Variants in TNRC6C observed in about 807,000 individuals in gnomAD.
TNRC6C encodes trinucleotide repeat containing adaptor 6C.
TNRC6C carries 20 observed loss-of-function variants against 153.7 expected under a neutral mutation model. The observed-to-expected ratio is 0.13, with a 90% CI of 0.09 to 0.19. TNRC6C has a LOEUF of 0.19. Among genes scored for constraint, TNRC6C ranks in the 10% least tolerant of loss-of-function variants. The pLI, the probability that TNRC6C is intolerant of heterozygous loss-of-function variation, is 1.00. For synonymous variants in TNRC6C, 811 were observed against 841.4 expected (o/e 0.96, Z 0.63); for missense variants, 1,987 against 2,172.0 (o/e 0.91, Z 1.69).
At chr17:78,034,036 C>T (rs1376271565) in intron 2 of TNRC6C, among the ~76,000 whole-genome samples, 2 of 152,088 alleles carry the variant, frequency 1.3e-5, no homozygotes, top group Non-Finnish European at 2.9e-5. Context: ...ATTTTCCCCG[C>T]CTACTCTCCA....
rs892927064 is a variant in TNRC6C at position 77,971,010 on chromosome 17, AAAAG to A, written c.-38+11750_-38+11753del. Among the ~76,000 whole-genome samples the A allele has an allele frequency of 8.5e-5, 13 of 152,276 alleles. No individual in the cohort carries two copies. In the South Asian group the frequency reaches 1.2e-3, roughly 15 times the overall value. ...GGTGATAGACCTTGTCTCAGAAAAA[AAAAG>A]AAAGAAAAGAAAAAAGTAGGTGGGG... On this transcript the variant is annotated intron_variant, in intron 1 of 22. Transcript: ENST00000636222.
intron 6 of TNRC6C, 140 bp from the exon 9 acceptor site, chr17:78,072,897 C>G: frequency 1.7e-6 from 1 of 574,806 alleles, no homozygotes. Flanking sequence ...GACATTGTCT[C>G]TAACCTCAAC....
At chr17:77,997,654 GT>G (rs543038664) in intron 1 of TNRC6C, among the ~76,000 whole-genome samples, 44 of 145,774 alleles carry the variant, frequency 3.0e-4, no homozygotes, top group African/African-American at 6.3e-4. Flanking sequence ...TTATAACGTT[GT>G]TTTTTTTTTT....
chr17:78,034,695 C>T (rs923184907), intron 2 of TNRC6C, among the ~76,000 whole-genome samples: 5 of 152,146 alleles, frequency 3.3e-5, no homozygotes, highest in Non-Finnish European at 7.4e-5. Flanking sequence ...TGAGGTCGGG[C>T]GTGGTGGCTG....
At chr17:77,969,746 G>A (rs1402371385) in intron 1 of TNRC6C, among the ~76,000 whole-genome samples, 1 of 151,818 alleles carries the variant, frequency 6.6e-6, no homozygotes, top group Non-Finnish European at 1.5e-5. Context: ...GTGCCTGGGA[G>A]ACAAGCAGAG....
intron 15 of TNRC6C, chr17:78,093,351 G>A: frequency 3.0e-6 from 2 of 667,282 alleles, no homozygotes; most frequent in South Asian, 3.9e-5. Flanking sequence ...GGAGTGGAAG[G>A]GGTGGCAGGG....
At chr17:78,106,836 C>A (rs1403018470) in exon 20 of TNRC6C, 3 of 141,410 alleles carry the variant, frequency 2.1e-5, no homozygotes, top group Admixed American at 7.4e-5. Flanking sequence ...TTGTGCATTA[C>A]ATTTTTTTAA....
chr17:77,996,715 G>A (rs1357844913), intron 1 of TNRC6C, among the ~76,000 whole-genome samples: 1 of 152,174 alleles, frequency 6.6e-6, no homozygotes, highest in Non-Finnish European at 1.5e-5. Flanking sequence ...GTTGAAAGAT[G>A]GTTGCAGTAA....
exon 3 of TNRC6C, chr17:78,050,907 T>C: frequency 6.2e-7 from 1 of 1,613,358 alleles, no homozygotes; most frequent in African/African-American, 1.3e-5. Context: ...GGAAAAAAAA[T>C]GGATCTGGAT....
chr17:78,104,401 G>A lies in TNRC6C; in HGVS notation c.4713-84G>A, dbSNP rs912524750. Reference sequence around the variant, plus strand: ...CACAGGATGGCTTCCATGTGGGGCCGTTCCCAATACAGAGAAAGCCAGTGC... The same window carrying A: ...CACAGGATGGCTTCCATGTGGGGCCATTCCCAATACAGAGAAAGCCAGTGC... On this transcript the variant is annotated intron_variant, in intron 19 of 19. Coordinates refer to ENST00000301624, the Ensembl canonical transcript of TNRC6C. This position sits in a 1 kb window ranked among gnomAD's most constrained non-coding sequence, Gnocchi z 6.2. 1.3e-5 allele frequency: 18 copies of A among 1,408,556 alleles called. 1 individual carries two copies. Among genetic ancestry groups the A allele is most frequent in the Middle Eastern group, 2.0e-4 (1 of 4,966 alleles). 87.3% of individuals were successfully genotyped at this position (1,408,556 alleles called of 1,614,324 possible). A position where few individuals can be genotyped will look rare whatever the true frequency, so the allele number is the denominator to read the frequency against.
Position 78,075,853 on chromosome 17 carries a change from A to G in TNRC6C, c.3060+575A>G, listed in dbSNP as rs1356166583. 6.6e-6 allele frequency among the ~76,000 whole-genome samples: 1 copy of G among 152,100 alleles called. No individual in the cohort carries two copies. Among genetic ancestry groups the G allele is most frequent in the Non-Finnish European group, 1.5e-5 (1 of 68,010 alleles). ...AAAGCGGAGAAAAGCATTGCACTAA[A>G]TTCAATGCAAATGTCGAGCCTTGAA... On this transcript the variant is annotated intron_variant, in intron 8 of 19. Coordinates refer to ENST00000301624, the Ensembl canonical transcript of TNRC6C. This position sits in a 1 kb window ranked among gnomAD's most constrained non-coding sequence, Gnocchi z 4.2.
intron 1 of TNRC6C, among the ~76,000 whole-genome samples, chr17:78,010,553 G>A (rs909356774): frequency 6.6e-6 from 1 of 152,136 alleles, no homozygotes; most frequent in Admixed American, 6.6e-5. Flanking sequence ...GGAGACATGA[G>A]TATTCTGTAT....
Position 78,081,565 on chromosome 17 carries a change from A to G in TNRC6C, c.3358-1482A>G, listed in dbSNP as rs186437873. 3.9e-3 allele frequency among the ~76,000 whole-genome samples: 590 copies of G among 152,354 alleles called. 7 individuals are homozygous for G. Among genetic ancestry groups the G allele is most frequent in the African/African-American group, 0.013 (537 of 41,582 alleles). ...AAACAGTAGCTTAAACTAGGTAGAC[A>G]TTGATCTCTCTCAGGTTACAGTGCA... On this transcript the variant is annotated intron_variant, in intron 10 of 19. Coordinates refer to ENST00000301624, the Ensembl canonical transcript of TNRC6C.
intron 2 of TNRC6C, among the ~76,000 whole-genome samples, chr17:78,032,413 A>G (rs953278621): frequency 6.6e-6 from 1 of 152,212 alleles, no homozygotes; most frequent in Non-Finnish European, 1.5e-5. Flanking sequence ...CCAGCTGCCA[A>G]AATGCAGATG....
chr17:78,055,863 G>T (rs979013673), intron 3 of TNRC6C, among the ~76,000 whole-genome samples: 13 of 152,274 alleles, frequency 8.5e-5, no homozygotes, highest in African/African-American at 3.1e-4. Flanking sequence ...CTTTCCAAGG[G>T]TACATATGTG....
At chr17:78,018,903 G>T (rs1318152058) in intron 1 of TNRC6C, among the ~76,000 whole-genome samples, 1 of 152,114 alleles carries the variant, frequency 6.6e-6, no homozygotes, top group Non-Finnish European at 1.5e-5. Flanking sequence ...TTACAAGAGG[G>T]GGGTTTTGGC....
At chr17:77,971,080 A>G (rs1437111925) in intron 1 of TNRC6C, among the ~76,000 whole-genome samples, 1 of 152,242 alleles carries the variant, frequency 6.6e-6, no homozygotes, top group Non-Finnish European at 1.5e-5. Context: ...CAATGTAAAG[A>G]TGTTATAATT....
Position 78,104,777 on chromosome 17 carries a change from G to T in TNRC6C, c.5005G>T (p.Val1669Leu). The T allele has an allele frequency of 2.0e-6, 3 of 1,468,390 alleles. No homozygotes were observed. Among genetic ancestry groups the T allele is most frequent in the Non-Finnish European group, 9.0e-7 (1 of 1,109,574 alleles). The allele number at this position is 1,468,390 out of a possible 1,614,324, so 91.0% of individuals were successfully genotyped here. ...CCCGCCCAGCGCCGACGACAGCAGG[G>T]TGATAGGCAGCCCCACGCCGCTAAC... The change falls in exon 20 of 20, where the codon GTG (valine) becomes TTG (leucine). Residue 1669 changes from valine (V) to leucine (L), a missense_variant. Transcript: ENST00000301624. This position sits in a 1 kb window ranked among gnomAD's most constrained non-coding sequence, Gnocchi z 6.2.
At chr17:78,040,757 A>G (rs1382737984) in intron 2 of TNRC6C, among the ~76,000 whole-genome samples, 7 of 152,226 alleles carry the variant, frequency 4.6e-5, no homozygotes, top group Non-Finnish European at 1.0e-4. Context: ...CAATCGAAAG[A>G]ATTTAAAGAG....
Sources: allele counts gnomAD v4.1 joint callset (sites outside exome capture counted in the v4.1 genomes callset), GRCh38; gene constraint gnomAD v4.1.1; non-coding constraint Gnocchi (gnomAD v3.1); transcripts MANE v1.5; gene names NCBI Gene and HGNC (gene_info 2026-07-23, HGNC 2026-07-21).